WSCD2: variants seen among roughly 807,000 people sequenced by gnomAD.
The protein encoded by WSCD2 is sialate:O-sulfotransferase 2.
In WSCD2, 28 loss-of-function variants were observed where a neutral mutation model predicts 55.7. The observed-to-expected ratio is 0.50, with a 90% CI of 0.37 to 0.69. The LOEUF is 0.69. Ranked by LOEUF, WSCD2 falls within the 30% of genes least tolerant of loss-of-function variation. The pLI, the probability that WSCD2 is intolerant of heterozygous loss-of-function variation, is 0.00. For missense variants in WSCD2, 616 were observed against 762.1 expected (o/e 0.81, Z 2.26); for synonymous variants, 301 against 301.9 (o/e 1.00, Z 0.03).
In WSCD2 at chr12:108,247,880, A is replaced by G. The variant is rs1039130961; in HGVS notation, c.1346-111A>G. On this transcript the variant is annotated intron_variant, in intron 8 of 8. Coordinates refer to ENST00000547525, the MANE Select transcript of WSCD2 (RefSeq NM_014653.4). ...CCTGTATTATTACAGTTAATTGTTA[A>G]TTGTGTTACCGTGTTGTGCTGTGAA... The G allele has an allele frequency of 4.7e-5, 56 of 1,198,310 alleles. No individual in the cohort carries two copies. In the African/African-American group the frequency reaches 5.3e-4, roughly 11 times the overall value. The allele number at this position is 1,198,310 out of a possible 1,614,324, so 74.2% of individuals were successfully genotyped here. A position where few individuals can be genotyped will look rare whatever the true frequency, so the allele number is the denominator to read the frequency against.
chr12:108,179,610 T>A (rs1881401389), intron 1 of WSCD2, among the ~76,000 whole-genome samples: 1 of 152,200 alleles, frequency 6.6e-6, no homozygotes, highest in Admixed American at 6.5e-5. Flanking sequence ...CAGACGATCA[T>A]CCAGGACTTG....
At chr12:108,172,808 A>C (rs1260197492) in intron 1 of WSCD2, among the ~76,000 whole-genome samples, 1 of 152,116 alleles carries the variant, frequency 6.6e-6, no homozygotes, top group African/African-American at 2.4e-5. Flanking sequence ...TAAGCCACCC[A>C]GTTTGCAGTA....
Position 108,151,772 on chromosome 12 carries a change from A to C in WSCD2, c.-552+21846A>C, listed in dbSNP as rs1878029937. 1.3e-5 allele frequency among the ~76,000 whole-genome samples: 2 copies of C among 151,938 alleles called. 1 individual carries two copies. Among genetic ancestry groups the C allele is most frequent in the South Asian group, 4.2e-4 (2 of 4,816 alleles). On this transcript the variant is annotated intron_variant, in intron 1 of 8. Coordinates refer to ENST00000547525, the MANE Select transcript of WSCD2 (RefSeq NM_014653.4). ...GACCTGATCTAGTTCCCTCTCTCTC[A>C]CCTCTGAGGGTTTTTTGAGATGAAA...
chr12:108,199,381 G>A (rs1884370397), intron 2 of WSCD2, among the ~76,000 whole-genome samples: 1 of 152,126 alleles, frequency 6.6e-6, no homozygotes, highest in Non-Finnish European at 1.5e-5. Context: ...GGCTGGGCAG[G>A]AGTCTGAGTT....
chr12:108,155,129 A>T (rs1268778758), intron 1 of WSCD2, among the ~76,000 whole-genome samples: 1 of 152,206 alleles, frequency 6.6e-6, no homozygotes, highest in South Asian at 2.1e-4. Flanking sequence ...CCTGATCTAT[A>T]TAATGGGGAC....
chr12:108,228,727 T>C (rs1364904566), intron 6 of WSCD2, among the ~76,000 whole-genome samples: 1 of 152,230 alleles, frequency 6.6e-6, no homozygotes, highest in Non-Finnish European at 1.5e-5. Flanking sequence ...CTGTATGAGC[T>C]AGTGGCAGCC....
intron 1 of WSCD2, among the ~76,000 whole-genome samples, chr12:108,141,437 G>A (rs977601227): frequency 6.6e-6 from 1 of 152,166 alleles, no homozygotes; most frequent in African/African-American, 2.4e-5. Flanking sequence ...CAGTTCTGGA[G>A]GTTTGAAGTC....
chr12:108,215,147 G>A (rs2137122357), intron 4 of WSCD2, among the ~76,000 whole-genome samples: 1 of 152,326 alleles, frequency 6.6e-6, no homozygotes, highest in South Asian at 2.1e-4. Context: ...GTAGGGCCAA[G>A]GGAATGATAG....
chr12:108,153,890 CG>C (rs1565920598), intron 1 of WSCD2, among the ~76,000 whole-genome samples: 1 of 151,962 alleles, frequency 6.6e-6, no homozygotes, highest in Admixed American at 6.6e-5. Context: ...AGGGGAAGAG[CG>C]TGTCTCGAGG....
intron 1 of WSCD2, among the ~76,000 whole-genome samples, chr12:108,175,087 G>A (rs1298787082): frequency 2.0e-5 from 3 of 152,166 alleles, no homozygotes; most frequent in African/African-American, 7.2e-5. Context: ...TTATAAGCAC[G>A]TGATTCTTCA....
chr12:108,138,887 G>A (rs963237499), intron 1 of WSCD2, among the ~76,000 whole-genome samples: 1 of 152,224 alleles, frequency 6.6e-6, no homozygotes, highest in Non-Finnish European at 1.5e-5. Context: ...CCTGGGAGAT[G>A]AGCCCAACTT....
At chr12:108,163,515 C>T (rs1283330874) in intron 1 of WSCD2, among the ~76,000 whole-genome samples, 1 of 152,222 alleles carries the variant, frequency 6.6e-6, no homozygotes, top group Non-Finnish European at 1.5e-5. Context: ...GTACCTTAAG[C>T]ATGGTAAGAG....
chr12:108,142,524 T>A (rs1209802066), intron 1 of WSCD2, among the ~76,000 whole-genome samples: 1 of 152,208 alleles, frequency 6.6e-6, no homozygotes, highest in Non-Finnish European at 1.5e-5. Context: ...CCTTGGATAA[T>A]TTACTTCAAT....
intron 1 of WSCD2, among the ~76,000 whole-genome samples, chr12:108,146,485 C>T (rs1877406343): frequency 6.6e-6 from 1 of 152,188 alleles, no homozygotes; most frequent in Non-Finnish European, 1.5e-5. Context: ...GGATTGATTT[C>T]ACCAGAAAGT....
intron 1 of WSCD2, among the ~76,000 whole-genome samples, chr12:108,185,548 A>T (rs1050427536): frequency 4.6e-5 from 7 of 152,102 alleles, no homozygotes; most frequent in African/African-American, 1.7e-4. Flanking sequence ...CTTTCCAATT[A>T]TTTCAGTGAC....
At chr12:108,178,850 T>C (rs557875781) in intron 1 of WSCD2, among the ~76,000 whole-genome samples, 6 of 152,300 alleles carry the variant, frequency 3.9e-5, no homozygotes, top group African/African-American at 1.2e-4. Context: ...GAGACATAAT[T>C]CAACCCACAA....
At chr12:108,219,755 G>A (rs1317489432) in intron 4 of WSCD2, among the ~76,000 whole-genome samples, 2 of 152,166 alleles carry the variant, frequency 1.3e-5, no homozygotes, top group Non-Finnish European at 2.9e-5. Flanking sequence ...TCCCTGCAAG[G>A]GTACCCAGGA....
At chr12:108,174,369 G>A (rs1272160997) in intron 1 of WSCD2, among the ~76,000 whole-genome samples, 1 of 152,118 alleles carries the variant, frequency 6.6e-6, no homozygotes. Flanking sequence ...TCTACCACCT[G>A]CCAACTGAGT....
chr12:108,249,050 C>A lies in WSCD2; in HGVS notation c.*707C>A. 1 of 406,958 alleles carries A rather than the reference C, an allele frequency of 2.5e-6. No individual in the cohort carries two copies. The highest frequency in any genetic ancestry group is 3.3e-6 in the Non-Finnish European group (1 of 300,732). The allele number at this position is 406,958 out of a possible 1,614,324, so 25.2% of individuals were successfully genotyped here. A position where few individuals can be genotyped will look rare whatever the true frequency, so the allele number is the denominator to read the frequency against. ...TTCCACCTCCAGGGCATGAACCCTG[C>A]CCCTTTCTATCCATGCTGTGTCCAG... is the stretch of plus-strand genomic sequence containing the variant. On this transcript the variant is annotated 3_prime_UTR_variant, in exon 9 of 9. Coordinates refer to ENST00000547525, the MANE Select transcript of WSCD2 (RefSeq NM_014653.4).
Sources: allele counts gnomAD v4.1 joint callset (sites outside exome capture counted in the v4.1 genomes callset), GRCh38; gene constraint gnomAD v4.1.1; transcripts MANE v1.5; gene names NCBI Gene and HGNC (gene_info 2026-07-23, HGNC 2026-07-21).